MTCL2: variants seen among roughly 807,000 people sequenced by gnomAD.
The protein encoded by MTCL2 is microtubule crosslinking factor 2.
the MTCL2 span, among the ~76,000 whole-genome samples, chr20:36,861,852 C>G: frequency 6.6e-6 from 1 of 152,238 alleles, no homozygotes; most frequent in South Asian, 2.1e-4. Context: ...AAAGGCAAAG[C>G]CTGCTGTCCG....
the MTCL2 span, among the ~76,000 whole-genome samples, chr20:36,824,586 G>A: frequency 1.3e-5 from 2 of 152,152 alleles, no homozygotes; most frequent in Non-Finnish European, 2.9e-5. Flanking sequence ...AGATAATGGT[G>A]ACGCTACAAA....
the MTCL2 span, chr20:36,785,988 G>A: frequency 2.0e-6 from 2 of 986,628 alleles, no homozygotes; most frequent in Non-Finnish European, 2.4e-6. Context: ...TGCCCAACAG[G>A]GCTCCACCAG....
chr20:36,849,541 C>T, the MTCL2 span, among the ~76,000 whole-genome samples: 1 of 151,670 alleles, frequency 6.6e-6, no homozygotes, highest in African/African-American at 2.4e-5. Flanking sequence ...CTAAAGTCAT[C>T]CTCCCACTTC....
chr20:36,801,429 G>A, the MTCL2 span, among the ~76,000 whole-genome samples: 1 of 151,350 alleles, frequency 6.6e-6, no homozygotes, highest in Non-Finnish European at 1.5e-5. Context: ...ACAAAACCCT[G>A]TAAATATAAA....
At chr20:36,854,635 G>T in the MTCL2 span, among the ~76,000 whole-genome samples, 1 of 152,148 alleles carries the variant, frequency 6.6e-6, no homozygotes, top group East Asian at 1.9e-4. Context: ...GGAGAGGCGG[G>T]GAGGGGAGAG....
the MTCL2 span, chr20:36,814,986 C>A: frequency 1.3e-6 from 1 of 781,516 alleles, no homozygotes; most frequent in South Asian, 2.0e-5. Context: ...GGCTAGAGCC[C>A]AGGATATCGA....
At chr20:36,792,853 T>C in the MTCL2 span, among the ~76,000 whole-genome samples, 5,167 of 140,962 alleles carry the variant, frequency 0.037, 128 homozygotes, top group Middle Eastern at 0.071. Context: ...GATAGATAGA[T>C]AGATAGACAG....
At chr20:36,798,667 G>A in the MTCL2 span, among the ~76,000 whole-genome samples, 2 of 152,298 alleles carry the variant, frequency 1.3e-5, no homozygotes, top group Non-Finnish European at 2.9e-5. Flanking sequence ...CAAACTGTGG[G>A]GTGATTTACT....
At chr20:36,828,696 T>C in the MTCL2 span, 4 of 220,652 alleles carry the variant, frequency 1.8e-5, no homozygotes, top group Admixed American at 5.5e-5. Flanking sequence ...GTAAGGAAAC[T>C]GAGGCACAGA....
At chr20:36,794,745 A>G in the MTCL2 span, 1 of 990,564 alleles carries the variant, frequency 1.0e-6, no homozygotes. This position sits in a 1 kb window ranked among gnomAD's most constrained non-coding sequence, Gnocchi z 5.4. Flanking sequence ...GTTGGTGCCC[A>G]GTCCCACATT....
At chr20:36,787,559 A>T in the MTCL2 span, among the ~76,000 whole-genome samples, 1 of 151,910 alleles carries the variant, frequency 6.6e-6, no homozygotes, top group Admixed American at 6.6e-5. Flanking sequence ...GTAGTTTCTA[A>T]TTTTTTACTA....
the MTCL2 span, among the ~76,000 whole-genome samples, chr20:36,824,677 G>C: frequency 6.7e-6 from 1 of 149,622 alleles, no homozygotes; most frequent in African/African-American, 2.5e-5. Context: ...TTTTCAGACA[G>C]GGTCTCGCTC....
the MTCL2 span, among the ~76,000 whole-genome samples, chr20:36,834,132 C>T: frequency 4.0e-5 from 6 of 148,370 alleles, no homozygotes; most frequent in Admixed American, 6.8e-5. Context: ...TACTGTACTC[C>T]AGCCTGGGTG....
At chr20:36,819,263 T>TAA in the MTCL2 span, among the ~76,000 whole-genome samples, 1 of 152,238 alleles carries the variant, frequency 6.6e-6, no homozygotes, top group Non-Finnish European at 1.5e-5. Flanking sequence ...GGTGTATGTA[T>TAA]AAAACCTTGC....
the MTCL2 span, among the ~76,000 whole-genome samples, chr20:36,855,288 A>C: frequency 6.6e-6 from 1 of 152,184 alleles, no homozygotes; most frequent in South Asian, 2.1e-4. Context: ...AAAGCTCAGA[A>C]AGGAAAAGGC....
At chr20:36,844,893 G>A in the MTCL2 span, among the ~76,000 whole-genome samples, 1 of 151,232 alleles carries the variant, frequency 6.6e-6, no homozygotes, top group Non-Finnish European at 1.5e-5. Context: ...GGTGGCAGGT[G>A]CCTGTAATAC....
At chr20:36,816,470 A>G in the MTCL2 span, among the ~76,000 whole-genome samples, 1 of 152,040 alleles carries the variant, frequency 6.6e-6, no homozygotes, top group Admixed American at 6.5e-5. Flanking sequence ...AGAGGGGTAG[A>G]TGTTGAAATG....
the MTCL2 span, among the ~76,000 whole-genome samples, chr20:36,844,392 CA>C: frequency 1.3e-5 from 2 of 149,204 alleles, no homozygotes; most frequent in African/African-American, 2.5e-5. Context: ...CTCATCTCTA[CA>C]AAAAAAAAAT....
At chr20:36,863,026 G>A in the MTCL2 span, 1 of 1,400,294 alleles carries the variant, frequency 7.1e-7, no homozygotes, top group Non-Finnish European at 9.3e-7. The surrounding 1 kb of genome is among the most constrained non-coding windows in gnomAD (Gnocchi z 6.2). Context: ...GGCGGTCGCG[G>A]CCCCGCACCC....
Sources: allele counts gnomAD v4.1 joint callset (sites outside exome capture counted in the v4.1 genomes callset), GRCh38; gene constraint gnomAD v4.1.1; non-coding constraint Gnocchi (gnomAD v3.1); transcripts MANE v1.5; gene names NCBI Gene and HGNC (gene_info 2026-07-23, HGNC 2026-07-21).